CACNG2: variants seen among roughly 807,000 people sequenced by gnomAD.
The protein encoded by CACNG2 is voltage-dependent calcium channel gamma-2 subunit.
CACNG2 carries 3 observed loss-of-function variants against 25.9 expected under a neutral mutation model. The ratio of observed to expected loss-of-function variants is 0.12; its 90% CI spans 0.05 to 0.30. CACNG2 has a LOEUF of 0.30. Ranked by LOEUF, CACNG2 falls within the 10% of genes least tolerant of loss-of-function variation. The pLI, the probability that CACNG2 is intolerant of heterozygous loss-of-function variation, is 1.00. For synonymous variants in CACNG2, 167 were observed against 173.3 expected (o/e 0.96, Z 0.29); for missense variants, 341 against 432.5 (o/e 0.79, Z 1.88).
At chr22:36,635,321 G>T (rs1242217272) in intron 1 of CACNG2, among the ~76,000 whole-genome samples, 1 of 150,184 alleles carries the variant, frequency 6.7e-6, no homozygotes, top group Non-Finnish European at 1.5e-5. Context: ...AATCAAAAAA[G>T]AATTTCTATT....
At chr22:36,669,561 C>CTTG (rs887301318) in intron 1 of CACNG2, among the ~76,000 whole-genome samples, 1 of 148,166 alleles carries the variant, frequency 6.7e-6, no homozygotes, top group African/African-American at 2.5e-5. Context: ...TCCTGATGCA[C>CTTG]TTGGAGTCCA....
chr22:36,661,625 G>C (rs988857463), intron 1 of CACNG2, among the ~76,000 whole-genome samples: 5 of 152,208 alleles, frequency 3.3e-5, no homozygotes, highest in Non-Finnish European at 7.3e-5. Flanking sequence ...GAGGTGGAAG[G>C]CAGAGTAGTT....
intron 2 of CACNG2, among the ~76,000 whole-genome samples, chr22:36,578,011 T>C (rs1399402561): frequency 6.6e-6 from 1 of 150,562 alleles, no homozygotes; most frequent in African/African-American, 2.4e-5. Flanking sequence ...TTTTCCCTCT[T>C]GGGCCTCCGT....
At chr22:36,643,470 GTCTGTCTATCTA>G (rs1408674078) in intron 1 of CACNG2, among the ~76,000 whole-genome samples, 11 of 139,888 alleles carry the variant, frequency 7.9e-5, no homozygotes, top group South Asian at 2.5e-4. Context: ...ACATCTATCT[GTCTGTCTATCTA>G]TCTATCTATC....
In CACNG2 at chr22:36,619,024, T is replaced by C. The variant is rs575622897; in HGVS notation, c.212-31476A>G. 5.3e-5 allele frequency among the ~76,000 whole-genome samples: 8 copies of C among 152,374 alleles called. No individual in the cohort carries two copies. In the South Asian group the frequency reaches 6.2e-4, roughly 12 times the overall value. On this transcript the variant is annotated intron_variant, in intron 1 of 3. Transcript: ENST00000300105. The stretch of plus-strand genomic sequence containing the variant: ...TAACTTTTAGGGAGTGCCTACTACA[T>C]GTCTGGCACTTTCCATAAAATAGCT...
At chr22:36,676,915 T>C (rs1429531686) in intron 1 of CACNG2, among the ~76,000 whole-genome samples, 1 of 144,550 alleles carries the variant, frequency 6.9e-6, no homozygotes, top group Non-Finnish European at 1.5e-5. Flanking sequence ...TTGCCTCTCT[T>C]TCTGCTTCTT....
chr22:36,668,019 G>C (rs979371433), intron 1 of CACNG2, among the ~76,000 whole-genome samples: 11 of 152,216 alleles, frequency 7.2e-5, no homozygotes, highest in African/African-American at 2.7e-4. Context: ...TTACCTGCAT[G>C]AACTCTTCAG....
In CACNG2 at chr22:36,702,863, A is replaced by G; in HGVS notation, c.-287T>C. The G allele has an allele frequency of 3.3e-6, 1 of 301,068 alleles. No individual in the cohort carries two copies. The highest frequency in any genetic ancestry group is 6.0e-6 in the Non-Finnish European group (1 of 165,312). 18.6% of individuals were successfully genotyped at this position (301,068 alleles called of 1,614,324 possible). A position where few individuals can be genotyped will look rare whatever the true frequency, so the allele number is the denominator to read the frequency against. On this transcript the variant is annotated 5_prime_UTR_variant, in exon 1 of 4. Transcript: ENST00000300105. ...TTTTTTTTAAAAAGAAAAGGAAAAA[A>G]AAAATAAAAAGACACCCCCCACCCC...
intron 1 of CACNG2, among the ~76,000 whole-genome samples, chr22:36,630,614 C>G (rs973962335): frequency 6.6e-6 from 1 of 152,224 alleles, no homozygotes; most frequent in Admixed American, 6.5e-5. Flanking sequence ...GAACCCAAAC[C>G]TTGAAGCTTC....
intron 1 of CACNG2, among the ~76,000 whole-genome samples, chr22:36,671,974 G>A (rs868661886): frequency 1.2e-4 from 19 of 152,210 alleles, no homozygotes; most frequent in South Asian, 1.2e-3. Context: ...CAGGTAAGAC[G>A]GGTAACTTTC....
chr22:36,701,218 A>G (rs1296496471), intron 1 of CACNG2, among the ~76,000 whole-genome samples: 2 of 152,060 alleles, frequency 1.3e-5, no homozygotes, highest in Admixed American at 1.3e-4. Context: ...TTTCCCCCAC[A>G]TGGAAGCATA....
chr22:36,671,581 C>T (rs1936950393), intron 1 of CACNG2, among the ~76,000 whole-genome samples: 1 of 152,228 alleles, frequency 6.6e-6, no homozygotes, highest in African/African-American at 2.4e-5. Flanking sequence ...GCGTTAGGAT[C>T]TCATTCTTTT....
chr22:36,684,262 G>A (rs1257660419), intron 1 of CACNG2, among the ~76,000 whole-genome samples: 1 of 152,180 alleles, frequency 6.6e-6, no homozygotes, highest in Admixed American at 6.5e-5. Flanking sequence ...TTGAACCAGT[G>A]ATTTCTTGGG....
chr22:36,664,045 A>G (rs1384269052), intron 1 of CACNG2, among the ~76,000 whole-genome samples: 2 of 152,092 alleles, frequency 1.3e-5, no homozygotes, highest in Non-Finnish European at 2.9e-5. Flanking sequence ...CACATGGCTA[A>G]ATGCATCTTC....
intron 2 of CACNG2, among the ~76,000 whole-genome samples, chr22:36,578,828 A>G (rs971262106): frequency 7.2e-5 from 11 of 151,992 alleles, no homozygotes; most frequent in Admixed American, 7.2e-4. Flanking sequence ...ATCCTGGGAA[A>G]GGCCCTGTGC....
intron 1 of CACNG2, among the ~76,000 whole-genome samples, chr22:36,643,973 A>G (rs1936482636): frequency 6.6e-6 from 1 of 152,196 alleles, no homozygotes; most frequent in South Asian, 2.1e-4. Context: ...GTCTAAACTC[A>G]GAGCTCTGTT....
intron 1 of CACNG2, among the ~76,000 whole-genome samples, chr22:36,595,039 GTGTC>G (rs1180740453): frequency 1.3e-5 from 2 of 151,298 alleles, no homozygotes; most frequent in African/African-American, 2.4e-5. Flanking sequence ...GTGCATGTAT[GTGTC>G]TGTGTGTGCA....
At chr22:36,650,586 A>T (rs1936596296) in intron 1 of CACNG2, among the ~76,000 whole-genome samples, 1 of 152,148 alleles carries the variant, frequency 6.6e-6, no homozygotes, top group Non-Finnish European at 1.5e-5. Flanking sequence ...TGTGTTGCCC[A>T]GTCTGGTCTC....
At position 36,690,343 on chromosome 22, in the gene CACNG2, G is replaced by T. The variant is rs541808439; in HGVS notation, c.211+12023C>A. Reference sequence around the variant, plus strand: ...CTGCCAAGCAGGGATAGGGCCCAGGGTTACAAAAATCTTTTTTTTTCCCCC... The same window carrying T: ...CTGCCAAGCAGGGATAGGGCCCAGGTTTACAAAAATCTTTTTTTTTCCCCC... On this transcript the variant is annotated intron_variant, in intron 1 of 3. Coordinates refer to ENST00000300105, the MANE Select transcript of CACNG2 (RefSeq NM_006078.5). 1.3e-3 allele frequency among the ~76,000 whole-genome samples: 180 copies of T among 142,240 alleles called. 1 individual carries two copies. Among genetic ancestry groups the T allele is most frequent in the Middle Eastern group, 3.5e-3 (1 of 282 alleles). The allele number at this position is 142,240 out of a possible 152,430, so 93.3% of individuals were successfully genotyped here.
Sources: allele counts gnomAD v4.1 joint callset (sites outside exome capture counted in the v4.1 genomes callset), GRCh38; gene constraint gnomAD v4.1.1; transcripts MANE v1.5; gene names NCBI Gene and HGNC (gene_info 2026-07-23, HGNC 2026-07-21).